PJVK: variants seen among roughly 807,000 people sequenced by gnomAD.
PJVK encodes the protein autosomal recessive deafness type 59 protein.
In PJVK, 33 loss-of-function variants were observed where a neutral mutation model predicts 37.6. That is an observed-to-expected ratio of 0.88 (90% CI 0.67 to 1.17). PJVK has a LOEUF of 1.17. Ranked by LOEUF, PJVK falls within the 50% of genes most tolerant of loss-of-function variation. The probability of loss-of-function intolerance (pLI) is 0.00; values close to 1 mark genes in which losing one functional copy is unlikely to be tolerated. For synonymous variants in PJVK, 141 were observed against 143.5 expected (o/e 0.98, Z 0.13); for missense variants, 410 against 413.8 (o/e 0.99, Z 0.08).
chr2:178,453,877 T>C, intron 2 of PJVK: 1 of 417,152 alleles, frequency 2.4e-6, no homozygotes, highest in East Asian at 5.3e-5. Context: ...ACTTAGAATA[T>C]GACATATTTC....
chr2:178,452,728 A>C, intron 1 of PJVK: 2 of 642,742 alleles, frequency 3.1e-6, no homozygotes, highest in Non-Finnish European at 3.9e-6. Flanking sequence ...TCAGAGTAAG[A>C]AACCACTAGG....
In PJVK at chr2:178,460,390, A is replaced by G; in HGVS notation, c.710A>G (p.Glu237Gly). 1 of 1,614,168 alleles carries G rather than the reference A, an allele frequency of 6.2e-7. No homozygotes were observed. The highest frequency in any genetic ancestry group is 8.5e-7 in the Non-Finnish European group (1 of 1,180,012). Residue 237 changes from glutamate to glycine, a missense_variant, in exon 6 of 7, where the codon GAA becomes GGA. Physicochemically the swap from Glu to Gly is moderately conservative, Grantham distance 98 (BLOSUM62 -2). Coordinates refer to ENST00000644580, the MANE Select transcript of PJVK (RefSeq NM_001042702.5). ...TSVSKGGFER[E>G]ETATFALLYR... Reference sequence around the variant, plus strand: ...GTGTCAAAAGGAGGATTTGAAAGGGAAGAAACGGCAACATTTGCACTGCTG... The same window carrying G: ...GTGTCAAAAGGAGGATTTGAAAGGGGAGAAACGGCAACATTTGCACTGCTG...
At position 178,460,461 on chromosome 2, in the gene PJVK, G is replaced by A; in HGVS notation, c.766+15G>A. 6.2e-7 allele frequency: 1 copy of A among 1,600,916 alleles called. No individual in the cohort carries two copies. On this transcript the variant is annotated intron_variant, in intron 6 of 6. Transcript: ENST00000644580. ...ATTTGAAAGAAGTATGTTTATTGAA[G>A]AGTACTGTGAATGTCTTTTTTTTTT...
At chr2:178,458,257 GGT>G (rs1684256553) in intron 4 of PJVK, among the ~76,000 whole-genome samples, 1 of 152,034 alleles carries the variant, frequency 6.6e-6, no homozygotes, top group Non-Finnish European at 1.5e-5. Context: ...TTATGGTTGT[GGT>G]AGCACTAATC....
Position 178,461,989 on chromosome 2 carries a change from T to A in PJVK, c.*715T>A, listed in dbSNP as rs1185321965. Among the ~76,000 whole-genome samples the A allele has an allele frequency of 6.6e-6, 1 of 152,170 alleles. No homozygotes were observed. The highest frequency in any genetic ancestry group is 2.4e-5 in the African/African-American group (1 of 41,440). On this transcript the variant is annotated 3_prime_UTR_variant, in exon 7 of 7. Transcript: ENST00000644580. ...TGACAAGACTGCACAAGTAGCAACT[T>A]TTGGTGTTTCAACTATTGCCTTTGG...
intron 4 of PJVK, 101 bp from the exon 5 acceptor site, chr2:178,458,409 T>C (rs1684263630): frequency 1.1e-6 from 1 of 950,896 alleles, no homozygotes; most frequent in Admixed American, 2.4e-5. Flanking sequence ...GGGAATTTTT[T>C]GTTTTGTTTT....
intron 5 of PJVK, 96 bp downstream of exon 5, chr2:178,458,723 G>A (rs955115796): frequency 3.0e-5 from 31 of 1,032,746 alleles, no homozygotes; most frequent in Admixed American, 1.0e-4. Context: ...CTCATTTCTC[G>A]TGTCTAACAA....
chr2:178,452,926 G>T (rs1196613956), intron 1 of PJVK: 1 of 168,902 alleles, frequency 5.9e-6, no homozygotes, highest in Non-Finnish European at 1.3e-5. Context: ...CAGCACTTTG[G>T]TGTTGCCAAA....
chr2:178,451,974 C>A, intron 1 of PJVK: 1 of 513,830 alleles, frequency 1.9e-6, no homozygotes, highest in Non-Finnish European at 2.5e-6. Flanking sequence ...TTGCACAATG[C>A]TATTCGTACG....
chr2:178,453,562 T>C lies in PJVK; in HGVS notation c.153T>C (p.Phe51=). 6.2e-7 allele frequency: 1 copy of C among 1,614,120 alleles called. No homozygotes were observed. The highest frequency in any genetic ancestry group is 2.2e-5 in the East Asian group (1 of 44,870). The change falls in exon 2 of 7, where the codon TTT becomes TTC. Residue 51 remains phenylalanine, a synonymous_variant. Coordinates refer to ENST00000644580, the MANE Select transcript of PJVK (RefSeq NM_001042702.5). The part of the protein sequence containing the change: ...KRCFLFPRYK[F]TSTPFTLKDI... Reference sequence around the variant, plus strand: ...GCTTTCTGTTTCCTAGATATAAATTTACTTCAACACCTTTTACACTGAAAG... The same window carrying C: ...GCTTTCTGTTTCCTAGATATAAATTCACTTCAACACCTTTTACACTGAAAG...
Position 178,456,991 on chromosome 2 carries a change from C to T in PJVK, c.549+840C>T, listed in dbSNP as rs558223569. 1.2e-4 allele frequency among the ~76,000 whole-genome samples: 18 copies of T among 151,810 alleles called. No homozygotes were observed. The South Asian group carries it at 3.1e-3, about 26-fold the overall frequency. Reference sequence around the variant, plus strand: ...GAATTTATAGATTTTTTTTTTGAGACGGAGTCTCGCTCTGTCCCCGAGGCT... The same window carrying T: ...GAATTTATAGATTTTTTTTTTGAGATGGAGTCTCGCTCTGTCCCCGAGGCT... On this transcript the variant is annotated intron_variant, in intron 4 of 6. Coordinates refer to ENST00000644580, the MANE Select transcript of PJVK (RefSeq NM_001042702.5).
chr2:178,461,159 G>T lies in PJVK; in HGVS notation c.944G>T (p.Gly315Val), dbSNP rs1214369139. The T allele has an allele frequency of 6.2e-7, 1 of 1,614,146 alleles. No individual in the cohort carries two copies. The highest frequency in any genetic ancestry group is 1.7e-5 in the Admixed American group (1 of 60,020). ...GGGCCTTGCATACTCTGTGGAATGG[G>T]GAACTTCAAAAGGGAGACAGTTTAT... ...PKGPCILCGM[G>V]NFKRETVYGC... Residue 315 changes from glycine (G) to valine (V), a missense_variant, in exon 7 of 7, where the codon GGG becomes GTG. Physicochemically the swap from Gly to Val is moderately radical, Grantham distance 109. Coordinates refer to ENST00000644580, the MANE Select transcript of PJVK (RefSeq NM_001042702.5).
chr2:178,452,652 A>G, intron 1 of PJVK: 2 of 984,036 alleles, frequency 2.0e-6, no homozygotes, highest in Non-Finnish European at 2.4e-6. Flanking sequence ...AGTAGCTGGG[A>G]TAATAATGAA....
At chr2:178,455,947 ATGTAT>A (rs1186859824) in intron 3 of PJVK, 58 bp from the exon 4 acceptor site, 5 of 1,574,100 alleles carry the variant, frequency 3.2e-6, no homozygotes, top group Non-Finnish European at 4.3e-6. Context: ...ATAGCAAAAA[ATGTAT>A]TTGATTATGT....
intron 2 of PJVK, 30 bp downstream of exon 2, chr2:178,453,650 CATT>C (rs1254040406): frequency 6.4e-7 from 1 of 1,565,050 alleles, no homozygotes; most frequent in Admixed American, 1.7e-5. Flanking sequence ...AGTGCCAACT[CATT>C]CATCTGTATT....
At chr2:178,453,731 C>A (rs924923850) in intron 2 of PJVK, 111 bp downstream of exon 2, 11 of 896,128 alleles carry the variant, frequency 1.2e-5, no homozygotes, top group African/African-American at 1.2e-4. Flanking sequence ...ATGATTAAAG[C>A]AACTTTTATT....
intron 2 of PJVK, chr2:178,453,943 G>A (rs572923911): frequency 3.1e-6 from 1 of 320,050 alleles, no homozygotes; most frequent in Non-Finnish European, 6.2e-6. Flanking sequence ...GGTCAAATGA[G>A]ATGAAAATAA....
In PJVK at chr2:178,451,969, C is replaced by A. The variant is rs1697699040; in HGVS notation, c.-23+200C>A. On this transcript the variant is annotated intron_variant, in intron 1 of 6. Coordinates refer to ENST00000644580, the MANE Select transcript of PJVK (RefSeq NM_001042702.5). ...TCGGTGTTATGGAAGATTGCTTGCA[C>A]AATGCTATTCGTACGAAAGGATATT... The A allele has an allele frequency of 9.4e-6, 5 of 534,422 alleles. No individual in the cohort carries two copies. In the South Asian group the frequency reaches 3.2e-4, roughly 34 times the overall value. The allele number at this position is 534,422 out of a possible 1,614,324, so 33.1% of individuals were successfully genotyped here.
Position 178,457,363 on chromosome 2 carries a change from C to T in PJVK, c.550-1147C>T, listed in dbSNP as rs140520879. On this transcript the variant is annotated intron_variant, in intron 4 of 6. Transcript: ENST00000644580. ...AGGTGCAGTGGATCATGCCTGTAATCCCAGTGCTTAGGAAGACTGAGATAG... is the reference window on the plus strand; with the variant it reads ...AGGTGCAGTGGATCATGCCTGTAATTCCAGTGCTTAGGAAGACTGAGATAG... Among the ~76,000 whole-genome samples, 439 of 152,280 alleles carry T rather than the reference C, an allele frequency of 2.9e-3. 2 individuals carry two copies. Among genetic ancestry groups the T allele is most frequent in the African/African-American group, 9.7e-3 (403 of 41,536 alleles).
Sources: allele counts gnomAD v4.1 joint callset (sites outside exome capture counted in the v4.1 genomes callset), GRCh38; gene constraint gnomAD v4.1.1; transcripts MANE v1.5; gene names NCBI Gene and HGNC (gene_info 2026-07-23, HGNC 2026-07-21).